The following KIF13B variants were observed in gnomAD, a reference collection of about 807,000 sequenced individuals.
The protein encoded by KIF13B is kinesin family member 13B.
KIF13B carries 127 observed loss-of-function variants against 222.0 expected under a neutral mutation model. The ratio of observed to expected loss-of-function variants is 0.57; its 90% confidence interval spans 0.50 to 0.66. KIF13B has a LOEUF of 0.66. Ranked by LOEUF, KIF13B falls within the 30% of genes least tolerant of loss-of-function variation. The probability of loss-of-function intolerance (pLI) is 0.00; values close to 1 mark genes in which losing one functional copy is unlikely to be tolerated. For synonymous variants in KIF13B, 976 were observed against 919.0 expected (o/e 1.06, Z -1.12); for missense variants, 2,173 against 2,379.0 (o/e 0.91, Z 1.80).
At chr8:29,260,357 A>G (rs548518089) in intron 1 of KIF13B, among the ~76,000 whole-genome samples, 26 of 152,324 alleles carry the variant, frequency 1.7e-4, no homozygotes, top group African/African-American at 6.0e-4. Flanking sequence ...CAGAGTCTAC[A>G]CAGTAAAACT....
chr8:29,071,927 G>A lies in KIF13B; in HGVS notation c.4911C>T (p.Leu1637=), dbSNP rs1807304522. The A allele has an allele frequency of 7.0e-7, 1 of 1,430,190 alleles. No individual in the cohort carries two copies. Among genetic ancestry groups the A allele is most frequent in the Non-Finnish European group, 9.1e-7 (1 of 1,103,718 alleles). 88.6% of individuals were successfully genotyped at this position (1,430,190 alleles called of 1,614,324 possible). A position where few individuals can be genotyped will look rare whatever the true frequency, so the allele number is the denominator to read the frequency against. Residue 1637 remains leucine (L), a synonymous_variant, in exon 39 of 40, where the codon CTC becomes CTT. Coordinates refer to ENST00000524189, the MANE Select transcript of KIF13B (RefSeq NM_015254.4). The surrounding 1 kb of genome is among the most constrained non-coding windows in gnomAD (Gnocchi z 4.9). ...LVSPGRERPD[L]EAPAPGSPFR... Reference sequence around the variant, plus strand: ...ACGGGGAGCCGGGCGCCGGGGCCTCGAGGTCGGGGCGCTCCCGACCGGGGC... The same window carrying A: ...ACGGGGAGCCGGGCGCCGGGGCCTCAAGGTCGGGGCGCTCCCGACCGGGGC...
At chr8:29,108,055 C>T (rs1809176217) in intron 35 of KIF13B, 84 bp downstream of exon 35, 3 of 1,249,558 alleles carry the variant, frequency 2.4e-6, no homozygotes, top group Admixed American at 4.2e-5. Flanking sequence ...TTCTGGCTTG[C>T]AAAAATAACC....
chr8:29,071,602 G>A lies in KIF13B; in HGVS notation c.5218+18C>T, dbSNP rs748628547. 7.8e-6 allele frequency: 12 copies of A among 1,544,022 alleles called. No homozygotes were observed. The South Asian group carries it at 1.3e-4, about 17-fold the overall frequency. ...GACCCCCGGCACCACCCTGGAGCCC[G>A]GAGTGCCCGGTACCCACCTGAGGGC... On this transcript the variant is annotated intron_variant, in intron 39 of 39. Transcript: ENST00000524189. This position sits in a 1 kb window ranked among gnomAD's most constrained non-coding sequence, Gnocchi z 4.9.
chr8:29,108,033 G>A, intron 35 of KIF13B, 106 bp downstream of exon 35: 1 of 865,042 alleles, frequency 1.2e-6, no homozygotes, highest in South Asian at 1.5e-5. Context: ...TAATACAGAT[G>A]AGTAGAGGAA....
At position 29,109,354 on chromosome 8, in the gene KIF13B, G is replaced by A. The variant is rs148523844; in HGVS notation, c.4161+80C>T. Reference sequence around the variant, plus strand: ...AAGGGTTTCGGAGATGGGGTTTGACGGGTGGAGAAGAGTTACCCAAGAAAA... The same window carrying A: ...AAGGGTTTCGGAGATGGGGTTTGACAGGTGGAGAAGAGTTACCCAAGAAAA... On this transcript the variant is annotated intron_variant, in intron 34 of 39. Transcript: ENST00000524189. The A allele has an allele frequency of 1.5e-3, 1,611 of 1,099,522 alleles. 19 individuals carry two copies. In the African/African-American group the frequency reaches 0.022, roughly 15 times the overall value. 68.1% of individuals were successfully genotyped at this position (1,099,522 alleles called of 1,614,324 possible). A position where few individuals can be genotyped will look rare whatever the true frequency, so the allele number is the denominator to read the frequency against.
chr8:29,129,916 G>A (rs540358504), intron 24 of KIF13B, among the ~76,000 whole-genome samples: 4 of 152,312 alleles, frequency 2.6e-5, no homozygotes, highest in African/African-American at 7.2e-5. Flanking sequence ...CATAACAGGC[G>A]AAGGCAAGAG....
intron 2 of KIF13B, among the ~76,000 whole-genome samples, chr8:29,209,248 A>G (rs564766972): frequency 6.6e-6 from 1 of 152,338 alleles, no homozygotes; most frequent in South Asian, 2.1e-4. Context: ...AGAAGGCGCC[A>G]TGGGCAGTCG....
chr8:29,173,452 C>T (rs1449347113), intron 10 of KIF13B, among the ~76,000 whole-genome samples: 2 of 128,980 alleles, frequency 1.6e-5, no homozygotes, highest in African/African-American at 2.8e-5. Flanking sequence ...AAGACCTCAT[C>T]TCTACTAAAA....
chr8:29,134,991 T>C (rs1447512956), intron 21 of KIF13B, among the ~76,000 whole-genome samples: 1 of 152,204 alleles, frequency 6.6e-6, no homozygotes, highest in Non-Finnish European at 1.5e-5. Flanking sequence ...AAGAAATGCC[T>C]ATAACAGTTT....
At chr8:29,072,518 C>T (rs1430209447) in intron 38 of KIF13B, among the ~76,000 whole-genome samples, 3 of 152,114 alleles carry the variant, frequency 2.0e-5, no homozygotes, top group African/African-American at 2.4e-5. Context: ...GACCCCGTTT[C>T]GACAAAATAA....
intron 6 of KIF13B, among the ~76,000 whole-genome samples, chr8:29,184,034 A>T (rs941782263): frequency 9.9e-5 from 15 of 152,206 alleles, no homozygotes; most frequent in African/African-American, 3.6e-4. Context: ...ACCATTAAAA[A>T]TGTCACTTAT....
At chr8:29,239,869 G>A (rs998233688) in intron 2 of KIF13B, among the ~76,000 whole-genome samples, 2 of 151,920 alleles carry the variant, frequency 1.3e-5, no homozygotes, top group East Asian at 1.9e-4. Context: ...CACCATGTGG[G>A]CCAGGCTGGT....
At chr8:29,160,364 A>C (rs1306824819) in intron 13 of KIF13B, among the ~76,000 whole-genome samples, 2 of 152,228 alleles carry the variant, frequency 1.3e-5, no homozygotes, top group African/African-American at 2.4e-5. Context: ...GTGAGCTAAC[A>C]CACTGCTCAC....
intron 37 of KIF13B, among the ~76,000 whole-genome samples, chr8:29,084,604 G>A (rs1441258119): frequency 6.6e-6 from 1 of 152,200 alleles, no homozygotes; most frequent in Non-Finnish European, 1.5e-5. Context: ...GCTTTTGATA[G>A]TGGAAATTAA....
intron 2 of KIF13B, among the ~76,000 whole-genome samples, chr8:29,226,901 A>T (rs1412787198): frequency 6.6e-6 from 1 of 152,202 alleles, no homozygotes; most frequent in Non-Finnish European, 1.5e-5. Context: ...ATCTGTTCTT[A>T]ATTTATTTAT....
At chr8:29,090,448 C>T (rs1437353554) in intron 37 of KIF13B, among the ~76,000 whole-genome samples, 2 of 152,126 alleles carry the variant, frequency 1.3e-5, no homozygotes, top group Non-Finnish European at 2.9e-5. Flanking sequence ...AGGAGTGGAT[C>T]GCGGACCGAG....
chr8:29,153,113 T>G (rs1478896056), intron 14 of KIF13B, among the ~76,000 whole-genome samples: 2 of 152,218 alleles, frequency 1.3e-5, no homozygotes, highest in African/African-American at 2.4e-5. Flanking sequence ...ATGTAGTTAC[T>G]TAAGATGCTT....
At chr8:29,260,014 TTTTC>T (rs1337660202) in intron 1 of KIF13B, among the ~76,000 whole-genome samples, 1 of 152,244 alleles carries the variant, frequency 6.6e-6, no homozygotes, top group African/African-American at 2.4e-5. Flanking sequence ...ACTTTTTTCT[TTTTC>T]TTTTTCCTTT....
chr8:29,238,579 T>C (rs1815617044), intron 2 of KIF13B, among the ~76,000 whole-genome samples: 1 of 152,230 alleles, frequency 6.6e-6, no homozygotes, highest in African/African-American at 2.4e-5. Flanking sequence ...CTGGCAGCTG[T>C]AACCTTTACG....
Sources: gnomAD v4.1 joint callset for allele counts (sites outside exome capture counted in the v4.1 genomes callset) on GRCh38, gnomAD v4.1.1 for gene constraint, Gnocchi (gnomAD v3.1) non-coding constraint, MANE v1.5 for transcripts, NCBI Gene and HGNC (gene_info 2026-07-23, HGNC 2026-07-21) for gene names.